The following ARHGAP6 variants were observed in gnomAD, a reference collection of about 807,000 sequenced individuals.
The protein encoded by ARHGAP6 is Rho GTPase activating protein 6.
In ARHGAP6, 16 loss-of-function variants were observed where a neutral mutation model predicts 55.7. The ratio of observed to expected loss-of-function variants is 0.29; its 90% CI spans 0.19 to 0.44. The LOEUF (loss-of-function observed/expected upper bound fraction) is 0.44. Ranked by LOEUF, ARHGAP6 falls within the 20% of genes least tolerant of loss-of-function variation. The pLI, the probability that ARHGAP6 is intolerant of heterozygous loss-of-function variation, is 1.00. For synonymous variants in ARHGAP6, 382 were observed against 360.9 expected (o/e 1.06, Z -0.66); for missense variants, 698 against 808.9 (o/e 0.86, Z 1.66).
At chrX:11,370,664 C>G (rs2049133600) in intron 1 of ARHGAP6, among the ~76,000 whole-genome samples, 1 of 111,952 alleles carries the variant, frequency 8.9e-6, no homozygotes, top group South Asian at 3.7e-4. Flanking sequence ...TCACTATAGA[C>G]TATAATTTTC....
Position 11,346,922 on chromosome X carries a change from AAAACAAACAAACAAAC to A in ARHGAP6, c.589-92231_589-92216del, listed in dbSNP as rs762899705. The stretch of plus-strand genomic sequence containing the variant: ...CAAATATTGTCACCTTTTCTCTTGA[AAAACAAACAAACAAAC>A]AAACAAACAAACAAACAAACTAGTG... On this transcript the variant is annotated intron_variant, in intron 1 of 12. Transcript: ENST00000337414. 3.7e-5 allele frequency among the ~76,000 whole-genome samples: 4 copies of A among 108,357 alleles called. No individual in the cohort carries two copies. In the South Asian group the frequency reaches 1.6e-3, roughly 43 times the overall value. The allele number at this position is 108,357 out of a possible 115,157, so 94.1% of individuals were successfully genotyped here.
At chrX:11,411,224 A>ATATATATATAT (rs2049683149) in intron 1 of ARHGAP6, among the ~76,000 whole-genome samples, 2 of 44,900 alleles carry the variant, frequency 4.5e-5, no homozygotes, top group Non-Finnish European at 8.3e-5. Context: ...TATATATATA[A>ATATATATATAT]AATATACAAA....
chrX:11,636,560 A>C (rs762561332), intron 1 of ARHGAP6, among the ~76,000 whole-genome samples: 3 of 111,168 alleles, frequency 2.7e-5, no homozygotes, highest in African/African-American at 9.8e-5. Context: ...AGGATGAAAA[A>C]AGGTCTCCAA....
intron 1 of ARHGAP6, among the ~76,000 whole-genome samples, chrX:11,290,704 T>C (rs1348727613): frequency 9.0e-6 from 1 of 111,264 alleles, no homozygotes; most frequent in Non-Finnish European, 1.9e-5. Context: ...TGCAAACTCA[T>C]AATACCTGAC....
At chrX:11,346,955 AAACT>A (rs949057496) in intron 1 of ARHGAP6, among the ~76,000 whole-genome samples, 3 of 109,751 alleles carry the variant, frequency 2.7e-5, no homozygotes, top group African/African-American at 6.7e-5. Context: ...ACAAACAAAC[AAACT>A]AGTGTGCTCT....
In ARHGAP6 at chrX:11,178,231, G is replaced by C; in HGVS notation, c.1498C>G (p.Gln500Glu). The C allele has an allele frequency of 1.7e-6, 2 of 1,207,493 alleles. No individual in the cohort carries two copies. Among genetic ancestry groups the C allele is most frequent in the Non-Finnish European group, 2.2e-6 (2 of 893,419 alleles). ...INTLLLEPEE[Q>E]LGTLQLLIYL... ...ATGAGGAGCTGCAAGGTGCCCAGCT[G>C]TTCCTCCGGCTCCAACACTAAGCAA... Residue 500 changes from glutamine to glutamate, a missense_variant, in exon 8 of 13, where the codon CAG (glutamine) becomes GAG (glutamate). Physicochemically the swap from Gln to Glu is conservative, Grantham distance 29. Transcript: ENST00000337414.
At chrX:11,391,302 C>T (rs368803910) in intron 1 of ARHGAP6, among the ~76,000 whole-genome samples, 13 of 110,309 alleles carry the variant, frequency 1.2e-4, no homozygotes, top group African/African-American at 2.6e-4. Context: ...CATCACACAC[C>T]GGGGCCTGTT....
At chrX:11,349,953 A>C (rs1392712987) in intron 1 of ARHGAP6, among the ~76,000 whole-genome samples, 1 of 111,766 alleles carries the variant, frequency 8.9e-6, no homozygotes, top group African/African-American at 3.3e-5. Context: ...GACTTCCCAA[A>C]CTTCAGATTT....
chrX:11,310,193 G>T (rs1039094804), intron 1 of ARHGAP6, among the ~76,000 whole-genome samples: 1 of 72,730 alleles, frequency 1.4e-5, no homozygotes, highest in Non-Finnish European at 2.5e-5. Context: ...ATCACATCAC[G>T]CCCACTAGGA....
chrX:11,501,980 G>A (rs756667593), intron 1 of ARHGAP6, among the ~76,000 whole-genome samples: 30 of 111,920 alleles, frequency 2.7e-4, no homozygotes, highest in Non-Finnish European at 5.6e-5. Flanking sequence ...ACATGTGTGT[G>A]TGTTTATATA....
At chrX:11,441,704 T>C (rs1185470587) in intron 1 of ARHGAP6, among the ~76,000 whole-genome samples, 1 of 111,693 alleles carries the variant, frequency 9.0e-6, no homozygotes, top group Non-Finnish European at 1.9e-5. Flanking sequence ...AAATCGAGAG[T>C]CATGAGATTT....
chrX:11,230,121 C>T (rs1372663684), intron 2 of ARHGAP6, among the ~76,000 whole-genome samples: 1 of 112,070 alleles, frequency 8.9e-6, no homozygotes, highest in African/African-American at 3.2e-5. Context: ...ACATACTGGG[C>T]TATCTGACTA....
chrX:11,492,475 T>C (rs2050581070), intron 1 of ARHGAP6, among the ~76,000 whole-genome samples: 1 of 111,841 alleles, frequency 8.9e-6, no homozygotes, highest in Admixed American at 9.5e-5. Flanking sequence ...AGAGCACTGC[T>C]ATCTACTGAC....
At chrX:11,413,179 C>T (rs1169463298) in intron 1 of ARHGAP6, among the ~76,000 whole-genome samples, 1 of 112,509 alleles carries the variant, frequency 8.9e-6, no homozygotes, top group East Asian at 2.8e-4. Context: ...GTTCATCCTC[C>T]TGCACAGTCC....
chrX:11,447,335 C>A (rs1167614734), intron 1 of ARHGAP6, among the ~76,000 whole-genome samples: 2 of 112,295 alleles, frequency 1.8e-5, no homozygotes, highest in Non-Finnish European at 3.8e-5. Context: ...GAAGCCAAAA[C>A]TGAAAAGTCA....
intron 1 of ARHGAP6, among the ~76,000 whole-genome samples, chrX:11,465,039 C>G (rs192296981): frequency 6.6e-4 from 74 of 112,148 alleles, no homozygotes; most frequent in Non-Finnish European, 1.3e-4. Context: ...TCACTCATTA[C>G]TCACTGATCT....
At chrX:11,501,914 T>G (rs1296315884) in intron 1 of ARHGAP6, among the ~76,000 whole-genome samples, 1 of 111,464 alleles carries the variant, frequency 9.0e-6, no homozygotes, top group African/African-American at 3.3e-5. Flanking sequence ...TACATACAAG[T>G]GGACCCACAC....
At chrX:11,416,257 G>A (rs771990149) in intron 1 of ARHGAP6, among the ~76,000 whole-genome samples, 29 of 111,311 alleles carry the variant, frequency 2.6e-4, no homozygotes, top group Non-Finnish European at 5.1e-4. Context: ...AAGTATCTGC[G>A]TGGTAATGGT....
At chrX:11,348,692 C>T (rs944692031) in intron 1 of ARHGAP6, among the ~76,000 whole-genome samples, 7 of 111,991 alleles carry the variant, frequency 6.3e-5, no homozygotes, top group African/African-American at 2.3e-4. Flanking sequence ...CTCTGTTACC[C>T]AGGCTGGAAT....
Sources: allele counts gnomAD v4.1 joint callset (sites outside exome capture counted in the v4.1 genomes callset), GRCh38; gene constraint gnomAD v4.1.1; transcripts MANE v1.5; gene names NCBI Gene and HGNC (gene_info 2026-07-23, HGNC 2026-07-21).